The following CHD2 variants were observed in gnomAD, a reference collection of about 807,000 sequenced individuals.
CHD2 encodes ATP-dependent chromatin remodeler CHD2.
A neutral mutation model predicts 243.9 loss-of-function variants in CHD2; 28 were observed. The ratio of observed to expected loss-of-function variants is 0.11; its 90% confidence interval spans 0.09 to 0.16. The LOEUF is 0.16. Ranked by LOEUF, CHD2 falls within the 10% of genes least tolerant of loss-of-function variation. The probability of loss-of-function intolerance (pLI) is 1.00; values close to 1 mark genes in which losing one functional copy is unlikely to be tolerated. For missense variants in CHD2, 1,386 were observed against 2,209.8 expected (o/e 0.63, Z 7.47); for synonymous variants, 775 against 779.0 (o/e 0.99, Z 0.09).
chr15:92,901,200 C>G lies in CHD2; in HGVS notation c.-38C>G. On this transcript the variant is annotated 5_prime_UTR_variant, in exon 2 of 39. Transcript: ENST00000394196. ...TGGGCACAGGACTTCAAAGCAAACA[C>G]AGATTCCCCCTCCCCCTTAATATTT... is the stretch of plus-strand genomic sequence containing the variant. 2 of 1,301,478 alleles carry G rather than the reference C, an allele frequency of 1.5e-6. No individual in the cohort carries two copies. The highest frequency in any genetic ancestry group is 2.2e-6 in the Non-Finnish European group (2 of 900,990). 80.6% of individuals were successfully genotyped at this position (1,301,478 alleles called of 1,614,324 possible). A position where few individuals can be genotyped will look rare whatever the true frequency, so the allele number is the denominator to read the frequency against.
intron 25 of CHD2, 21 bp downstream of exon 25, chr15:92,984,521 A>T: frequency 6.3e-7 from 1 of 1,593,034 alleles, no homozygotes; most frequent in Non-Finnish European, 8.6e-7. Flanking sequence ...GAGATGAAAG[A>T]TATGAAATTA....
chr15:92,990,325 T>A (rs1275788128), intron 26 of CHD2, among the ~76,000 whole-genome samples: 1 of 152,202 alleles, frequency 6.6e-6, no homozygotes, highest in African/African-American at 2.4e-5. Context: ...GTGGGAATAG[T>A]GCAAGTTAAA....
chr15:92,947,526 C>T (rs117510816), intron 12 of CHD2: 2,666 of 152,256 alleles, frequency 0.018, 32 homozygotes, highest in South Asian at 0.046. Flanking sequence ...CCTAGGTATT[C>T]GTACAGCTGA....
At chr15:92,940,796 T>A (rs1567134258) in intron 7 of CHD2, among the ~76,000 whole-genome samples, 1 of 137,696 alleles carries the variant, frequency 7.3e-6, no homozygotes, top group Non-Finnish European at 1.6e-5. Context: ...AATATATAAA[T>A]ATATAAATAA....
chr15:92,904,642 T>C, intron 2 of CHD2: 2 of 1,256,666 alleles, frequency 1.6e-6, no homozygotes, highest in Non-Finnish European at 2.0e-6. Flanking sequence ...GTTTATCCTC[T>C]TTGAGAAGCG....
intron 14 of CHD2, chr15:92,954,349 A>G (rs1436875675): frequency 6.6e-6 from 1 of 152,232 alleles, no homozygotes; most frequent in Non-Finnish European, 1.5e-5. Flanking sequence ...GTTTCTATCT[A>G]GTCTAGAGCT....
intron 16 of CHD2, among the ~76,000 whole-genome samples, chr15:92,960,417 G>C (rs1426501142): frequency 6.6e-6 from 1 of 152,076 alleles, no homozygotes; most frequent in Non-Finnish European, 1.5e-5. Context: ...GTTTTTTGTA[G>C]ATAACCTTTA....
At chr15:93,009,525 G>A (rs889190683) in intron 35 of CHD2, among the ~76,000 whole-genome samples, 1 of 152,198 alleles carries the variant, frequency 6.6e-6, no homozygotes, top group Non-Finnish European at 1.5e-5. Context: ...GAAGGGGTAG[G>A]ACGATGTCAT....
chr15:92,981,298 T>A (rs1373360133), intron 23 of CHD2, 67 bp from the exon 24 acceptor site: 2 of 1,072,292 alleles, frequency 1.9e-6, no homozygotes, highest in Admixed American at 2.0e-5. Context: ...TACGAATAAT[T>A]TCTGGGCAAC....
chr15:92,969,756 C>T (rs61017356), intron 17 of CHD2, among the ~76,000 whole-genome samples: 10 of 151,780 alleles, frequency 6.6e-5, no homozygotes, highest in African/African-American at 2.4e-4. Context: ...TCTATACATA[C>T]AACAAAGCTA....
Position 92,992,843 on chromosome 15 carries a change from A to G in CHD2, c.3456-16A>G, listed in dbSNP as rs375354835. 1.7e-5 allele frequency: 28 copies of G among 1,611,494 alleles called. No homozygotes were observed. Among genetic ancestry groups the G allele is most frequent in the Middle Eastern group, 1.7e-4 (1 of 5,906 alleles). On this transcript the variant is annotated splice_polypyrimidine_tract_variant and intron_variant, in intron 27 of 38. Transcript: ENST00000394196. ...GCACAGGGTCCTAAAGTGTCCCCAT[A>G]TTTGTTCCTCCTCAGGCTGGAGTGC... is the stretch of plus-strand genomic sequence containing the variant.
At chr15:92,911,822 C>T (rs988215869) in intron 2 of CHD2, among the ~76,000 whole-genome samples, 1 of 152,096 alleles carries the variant, frequency 6.6e-6, no homozygotes, top group Non-Finnish European at 1.5e-5. Context: ...AAAAATCTTG[C>T]ATAATTCTGT....
intron 14 of CHD2, 109 bp from the exon 15 acceptor site, chr15:92,955,314 T>C: frequency 1.6e-6 from 1 of 606,130 alleles, no homozygotes; most frequent in Non-Finnish European, 2.7e-6. Context: ...TGAATTCTAA[T>C]CAGATTTATT....
At chr15:92,933,835 G>A (rs1307338414) in intron 5 of CHD2, among the ~76,000 whole-genome samples, 1 of 152,116 alleles carries the variant, frequency 6.6e-6, no homozygotes, top group Non-Finnish European at 1.5e-5. Context: ...TGAACTCCTT[G>A]GTTCAAGCCA....
chr15:92,985,811 C>T (rs1180318292), intron 26 of CHD2, 138 bp downstream of exon 26: 1 of 747,586 alleles, frequency 1.3e-6, no homozygotes. Flanking sequence ...TGGGTCCTGT[C>T]CCAGATCTGT....
At position 92,998,223 on chromosome 15, in the gene CHD2, C is replaced by G; in HGVS notation, c.3886-276C>G. On this transcript the variant is annotated intron_variant, in intron 30 of 38. Transcript: ENST00000394196. This position sits in a 1 kb window ranked among gnomAD's most constrained non-coding sequence, Gnocchi z 5.1. Reference sequence around the variant, plus strand: ...TGCTCTAGCAGATGAAGCCACAAGCCCCTCCTACCTGAGTTGTTCTACCCT... The same window carrying G: ...TGCTCTAGCAGATGAAGCCACAAGCGCCTCCTACCTGAGTTGTTCTACCCT... 9.1e-7 allele frequency: 1 copy of G among 1,097,266 alleles called. No individual in the cohort carries two copies. The highest frequency in any genetic ancestry group is 1.1e-6 in the Non-Finnish European group (1 of 900,546). The allele number at this position is 1,097,266 out of a possible 1,614,324, so 68.0% of individuals were successfully genotyped here.
chr15:92,900,339 G>T lies in CHD2; in HGVS notation c.-557G>T. 2.6e-6 allele frequency: 1 copy of T among 382,846 alleles called. No homozygotes were observed. Among genetic ancestry groups the T allele is most frequent in the Non-Finnish European group, 4.6e-6 (1 of 216,882 alleles). 23.7% of individuals were successfully genotyped at this position (382,846 alleles called of 1,614,324 possible). A position where few individuals can be genotyped will look rare whatever the true frequency, so the allele number is the denominator to read the frequency against. ...CAGAGCTCTCAGAGCTGGGAAGGAG[G>T]CTCTAGATGGCGGCTGTGCCTTAGA... On this transcript the variant is annotated 5_prime_UTR_variant, in exon 1 of 39. Coordinates refer to ENST00000394196, the MANE Select transcript of CHD2 (RefSeq NM_001271.4).
intron 20 of CHD2, 124 bp from the exon 21 acceptor site, chr15:92,978,110 G>A (rs757225855): frequency 1.8e-6 from 2 of 1,096,272 alleles, no homozygotes; most frequent in Admixed American, 3.7e-5. Context: ...CCTCCATAAA[G>A]TTTGTCCATC....
At chr15:92,914,562 T>TA (rs2052799427) in intron 2 of CHD2, among the ~76,000 whole-genome samples, 1 of 152,224 alleles carries the variant, frequency 6.6e-6, no homozygotes, top group African/African-American at 2.4e-5. Context: ...ATTTTAGAAA[T>TA]ACACTGATTA....
Sources: allele counts gnomAD v4.1 joint callset (sites outside exome capture counted in the v4.1 genomes callset), GRCh38; gene constraint gnomAD v4.1.1; non-coding constraint Gnocchi (gnomAD v3.1); transcripts MANE v1.5; gene names NCBI Gene and HGNC (gene_info 2026-07-23, HGNC 2026-07-21).